The following MLLT3 variants were observed in gnomAD, a reference collection of about 807,000 sequenced individuals.
MLLT3 encodes the protein protein AF-9.
Under a neutral mutation model 53.2 loss-of-function variants are expected in MLLT3, and 4 were observed. The observed-to-expected ratio is 0.08, with a 90% CI of 0.04 to 0.17. MLLT3 has a LOEUF of 0.17. MLLT3 is among the 10% of genes least tolerant of loss of function. The pLI, the probability that MLLT3 is intolerant of heterozygous loss-of-function variation, is 1.00. For missense variants in MLLT3, 569 were observed against 684.0 expected, an observed-to-expected ratio of 0.83 and a Z score of 1.87; for synonymous variants, 283 against 230.6, an observed-to-expected ratio of 1.23 and a Z score of -2.06.
chr9:20,390,094 C>T lies in MLLT3; in HGVS notation c.1125+23627G>A, dbSNP rs143166231. Among the ~76,000 whole-genome samples, 516 of 152,034 alleles carry T rather than the reference C, an allele frequency of 3.4e-3. 3 individuals are homozygous for T. Among genetic ancestry groups the T allele is most frequent in the Admixed American group, 5.5e-3 (84 of 15,286 alleles). On this transcript the variant is annotated intron_variant, in intron 5 of 10. Coordinates refer to ENST00000380338, the MANE Select transcript of MLLT3 (RefSeq NM_004529.4). ...CAAGGGAAGTTAATGATGAGTATGGCGGCAATCTTTCCAATGAACTGAAGA... is the reference window on the plus strand; with the variant it reads ...CAAGGGAAGTTAATGATGAGTATGGTGGCAATCTTTCCAATGAACTGAAGA...
intron 2 of MLLT3, among the ~76,000 whole-genome samples, chr9:20,570,787 C>A (rs1819513476): frequency 6.9e-6 from 1 of 144,642 alleles, no homozygotes; most frequent in Non-Finnish European, 1.5e-5. Flanking sequence ...AAATAAGAAA[C>A]CTATAGGTCT....
At position 20,569,534 on chromosome 9, in the gene MLLT3, G is replaced by C. The variant is rs547518920; in HGVS notation, c.193+51120C>G. On this transcript the variant is annotated intron_variant, in intron 2 of 10. Transcript: ENST00000380338. Reference sequence around the variant, plus strand: ...ACTTTTCAAAGTCTCAGAGCTGTTAGAAAGACTACACAGAAATCTACTACA... The same window carrying C: ...ACTTTTCAAAGTCTCAGAGCTGTTACAAAGACTACACAGAAATCTACTACA... Among the ~76,000 whole-genome samples the C allele has an allele frequency of 2.0e-5, 3 of 152,220 alleles. No individual in the cohort carries two copies. In the South Asian group the frequency reaches 6.2e-4, roughly 32 times the overall value.
At chr9:20,516,760 A>T (rs575619628) in intron 2 of MLLT3, among the ~76,000 whole-genome samples, 52 of 152,304 alleles carry the variant, frequency 3.4e-4, no homozygotes, top group African/African-American at 1.1e-3. Flanking sequence ...TTTTACCTCA[A>T]CTCTGTTTCC....
At chr9:20,356,636 C>T (rs1180233912) in intron 8 of MLLT3, among the ~76,000 whole-genome samples, 2 of 152,178 alleles carry the variant, frequency 1.3e-5, no homozygotes, top group African/African-American at 2.4e-5. Context: ...TCATATCCCG[C>T]TGCCTCCCAC....
intron 2 of MLLT3, among the ~76,000 whole-genome samples, chr9:20,545,460 G>C (rs1188795539): frequency 6.6e-6 from 1 of 152,136 alleles, no homozygotes; most frequent in Non-Finnish European, 1.5e-5. Flanking sequence ...ACACAGGGTG[G>C]GTGGAAGGAG....
intron 2 of MLLT3, among the ~76,000 whole-genome samples, chr9:20,585,256 A>C (rs997055350): frequency 7.2e-5 from 11 of 152,070 alleles, no homozygotes; most frequent in African/African-American, 2.7e-4. Flanking sequence ...GCCTCTTTTC[A>C]GTCTCTTATT....
chr9:20,369,903 A>G (rs955035276), intron 5 of MLLT3, among the ~76,000 whole-genome samples: 2 of 152,224 alleles, frequency 1.3e-5, no homozygotes, highest in African/African-American at 4.8e-5. Context: ...GTCTGTATAC[A>G]TGTAGGGCGT....
chr9:20,471,440 CCTATGAAA>C (rs1376253960), intron 2 of MLLT3, among the ~76,000 whole-genome samples: 1 of 151,978 alleles, frequency 6.6e-6, no homozygotes, highest in Non-Finnish European at 1.5e-5. Context: ...TACACCTTTT[CCTATGAAA>C]ATCACACAAG....
chr9:20,445,787 T>A (rs1823679287), intron 4 of MLLT3, among the ~76,000 whole-genome samples: 1 of 152,174 alleles, frequency 6.6e-6, no homozygotes, highest in South Asian at 2.1e-4. Flanking sequence ...TATACATCTA[T>A]GTCAACACAT....
At chr9:20,451,824 G>A (rs1361704638) in intron 3 of MLLT3, among the ~76,000 whole-genome samples, 4 of 152,104 alleles carry the variant, frequency 2.6e-5, no homozygotes, top group Non-Finnish European at 4.4e-5. Context: ...AGAAGCCTGC[G>A]ATCCTTTCAA....
intron 2 of MLLT3, among the ~76,000 whole-genome samples, chr9:20,579,118 T>C (rs1190078291): frequency 2.6e-5 from 4 of 152,172 alleles, no homozygotes; most frequent in Non-Finnish European, 4.4e-5. Context: ...TCGCAGCTCC[T>C]GTAATCCCAG....
chr9:20,450,241 A>G (rs1225352893), intron 3 of MLLT3, among the ~76,000 whole-genome samples: 2 of 152,084 alleles, frequency 1.3e-5, no homozygotes, highest in African/African-American at 4.8e-5. Flanking sequence ...TTTCAGATCT[A>G]CCTATCCTTT....
chr9:20,407,309 CT>C (rs1354648674), intron 5 of MLLT3, among the ~76,000 whole-genome samples: 1 of 152,076 alleles, frequency 6.6e-6, no homozygotes, highest in Non-Finnish European at 1.5e-5. Flanking sequence ...AAAAATAATC[CT>C]GATGATATAG....
At chr9:20,497,513 T>C (rs1037459386) in intron 2 of MLLT3, among the ~76,000 whole-genome samples, 9 of 152,222 alleles carry the variant, frequency 5.9e-5, no homozygotes, top group Non-Finnish European at 1.2e-4. Context: ...TGCTGCATTT[T>C]ATAGAATTTT....
At chr9:20,504,552 C>G (rs1825336154) in intron 2 of MLLT3, among the ~76,000 whole-genome samples, 1 of 152,008 alleles carries the variant, frequency 6.6e-6, no homozygotes, top group African/African-American at 2.4e-5. Context: ...AAGCTGAACT[C>G]ATTGAATCAA....
chr9:20,483,965 C>A (rs375184215), intron 2 of MLLT3, among the ~76,000 whole-genome samples: 47 of 152,082 alleles, frequency 3.1e-4, no homozygotes, highest in African/African-American at 1.0e-3. Context: ...CCCGCCTTGG[C>A]CTCCCAAAGT....
chr9:20,497,252 T>TA (rs528873746), intron 2 of MLLT3, among the ~76,000 whole-genome samples: 141 of 152,342 alleles, frequency 9.3e-4, no homozygotes, highest in Admixed American at 4.0e-3. Context: ...TTTTTTTCTA[T>TA]AACTTTTCAA....
At chr9:20,429,388 G>C (rs1284050407) in intron 4 of MLLT3, among the ~76,000 whole-genome samples, 1 of 151,938 alleles carries the variant, frequency 6.6e-6, no homozygotes, top group Non-Finnish European at 1.5e-5. Context: ...AATAATAATA[G>C]AGAAAAGGAA....
chr9:20,354,366 C>G (rs1263745546), intron 9 of MLLT3, among the ~76,000 whole-genome samples: 1 of 152,216 alleles, frequency 6.6e-6, no homozygotes, highest in Non-Finnish European at 1.5e-5. Flanking sequence ...TGCCCTGGCC[C>G]TACAGAGCAA....
Sources: gnomAD v4.1 joint callset for allele counts (sites outside exome capture counted in the v4.1 genomes callset) on GRCh38, gnomAD v4.1.1 for gene constraint, MANE v1.5 for transcripts, NCBI Gene and HGNC (gene_info 2026-07-23, HGNC 2026-07-21) for gene names.